SIDT2: variants seen among roughly 807,000 people sequenced by gnomAD.
SIDT2 encodes SID1 transmembrane family, member 2.
SIDT2 carries 68 observed loss-of-function variants against 114.4 expected under a neutral mutation model. The ratio of observed to expected loss-of-function variants is 0.59; its 90% confidence interval spans 0.49 to 0.73. The LOEUF (loss-of-function observed/expected upper bound fraction) is 0.73. Ranked by LOEUF, SIDT2 falls within the 30% of genes least tolerant of loss-of-function variation. SIDT2 has a pLI of 0.00. For synonymous variants in SIDT2, 470 were observed against 438.4 expected, an observed-to-expected ratio of 1.07 and a Z score of -0.90; for missense variants, 918 against 1,097.1, an observed-to-expected ratio of 0.84 and a Z score of 2.31.
rs182132577 is a variant in SIDT2, at chr11:117,180,162, G to A, written c.183+716G>A. Among the ~76,000 whole-genome samples, 575 of 152,284 alleles carry A rather than the reference G, an allele frequency of 3.8e-3. 3 individuals are homozygous for A. The highest frequency in any genetic ancestry group is 7.1e-3 in the Admixed American group (109 of 15,302). The stretch of plus-strand genomic sequence containing the variant: ...TCTTGCAACCTGGCTGTGTGGTCTC[G>A]TGCCCGGGTCTCTTGCTCTCTCTCC... On this transcript the variant is annotated intron_variant, in intron 1 of 25. Transcript: ENST00000324225.
chr11:117,192,476 G>A lies in SIDT2; in HGVS notation c.1982-98G>A. The A allele has an allele frequency of 6.7e-7, 1 of 1,488,194 alleles. No individual in the cohort carries two copies. Among genetic ancestry groups the A allele is most frequent in the Non-Finnish European group, 9.3e-7 (1 of 1,077,876 alleles). 92.2% of individuals were successfully genotyped at this position (1,488,194 alleles called of 1,614,324 possible). A position where few individuals can be genotyped will look rare whatever the true frequency, so the allele number is the denominator to read the frequency against. ...GGGGGCCCTGGAGTCACTGGGTGAGGAATTAGATCAGGCCTGGGCTCCTCA... is the reference window on the plus strand; with the variant it reads ...GGGGGCCCTGGAGTCACTGGGTGAGAAATTAGATCAGGCCTGGGCTCCTCA... On this transcript the variant is annotated intron_variant, in intron 20 of 25. Transcript: ENST00000324225. This position sits in a 1 kb window ranked among gnomAD's most constrained non-coding sequence, Gnocchi z 5.9.
rs200461992 is a variant in SIDT2 at position 117,182,806 on chromosome 11, G to A, written c.702G>A (p.Gln234=). The A allele has an allele frequency of 7.4e-6, 12 of 1,613,290 alleles. No homozygotes were observed. Among genetic ancestry groups the A allele is most frequent in the Non-Finnish European group, 1.0e-5 (12 of 1,179,642 alleles). Residue 234 remains glutamine, a splice_region_variant and synonymous_variant, in exon 6 of 26, where the codon CAG becomes CAA. Transcript: ENST00000324225. ...CCAAGAAGGCGGCCATCACCGTACAGGTAGGAAATGCATGTGGCCACGTGG... is the reference window on the plus strand; with the variant it reads ...CCAAGAAGGCGGCCATCACCGTACAAGTAGGAAATGCATGTGGCCACGTGG... ...TMTKKAAITV[Q]RKDFPSNSFY...
intron 6 of SIDT2, 125 bp downstream of exon 6, chr11:117,182,931 G>A (rs1191467962): frequency 9.4e-7 from 1 of 1,060,702 alleles, no homozygotes; most frequent in East Asian, 2.6e-5. Context: ...TGGCCTTCCA[G>A]TCCCTGTGAC....
chr11:117,191,737 G>T, intron 18 of SIDT2, 141 bp from the exon 19 acceptor site: 2 of 1,191,570 alleles, frequency 1.7e-6, no homozygotes, highest in Non-Finnish European at 2.4e-6. Context: ...TGAAGTTCAA[G>T]TGCCACCCTG....
chr11:117,183,239 G>A (rs2030365097), intron 6 of SIDT2, among the ~76,000 whole-genome samples: 1 of 152,046 alleles, frequency 6.6e-6, no homozygotes, highest in Non-Finnish European at 1.5e-5. Flanking sequence ...CAGCTACTCG[G>A]GAGGCTGAGT....
chr11:117,186,945 C>T (rs1414642934), intron 10 of SIDT2: 1 of 1,483,460 alleles, frequency 6.7e-7, no homozygotes, highest in African/African-American at 1.4e-5. Context: ...TTCCACCCCT[C>T]CCTCTCTTTC....
rs113276103 is a variant in SIDT2 at position 117,193,301 on chromosome 11, A to C, written c.2211+43A>C. The C allele has an allele frequency of 9.2e-4, 1,403 of 1,517,414 alleles. 8 individuals carry two copies. Among genetic ancestry groups the C allele is most frequent in the African/African-American group, 4.3e-3 (316 of 72,810 alleles). 94.0% of individuals were successfully genotyped at this position (1,517,414 alleles called of 1,614,324 possible). A position where few individuals can be genotyped will look rare whatever the true frequency, so the allele number is the denominator to read the frequency against. ...AGCCCCCTCTGTCAGCTGCTCTGCT[A>C]TCTGGGGAGAGAGATGGGCCCGGCA... is the stretch of plus-strand genomic sequence containing the variant. On this transcript the variant is annotated intron_variant, in intron 23 of 25. Transcript: ENST00000324225.
At chr11:117,187,291 TC>T in intron 10 of SIDT2, 86 bp from the exon 11 acceptor site, 1 of 1,328,180 alleles carries the variant, frequency 7.5e-7, no homozygotes, top group Non-Finnish European at 1.1e-6. Context: ...CCTGTGGCTG[TC>T]TTCTCTGGAC....
In SIDT2 at chr11:117,192,873, A is replaced by G. The variant is rs142149627; in HGVS notation, c.2105+7A>G. On this transcript the variant is annotated splice_region_variant and intron_variant, in intron 22 of 25. Transcript: ENST00000324225. This position sits in a 1 kb window ranked among gnomAD's most constrained non-coding sequence, Gnocchi z 5.9. ...ACGTCATCAACTGGTCGCTGTGAGT[A>G]TGGTCAGCAGTAGTGGCCTGGTTGG... 1.0e-3 allele frequency: 1,645 copies of G among 1,614,070 alleles called. 15 individuals carry two copies. The African/African-American group carries it at 0.019, about 19-fold the overall frequency.
rs139246855 is a variant in SIDT2, at chr11:117,187,369, T to A, written c.1016-9T>A. ...TCCAGTGCTAACAGACCTTGACTTC[T>A]CATTGCAGGTCACCCTCGAGTCCTG... is the stretch of plus-strand genomic sequence containing the variant. On this transcript the variant is annotated splice_polypyrimidine_tract_variant and intron_variant, in intron 10 of 25. Transcript: ENST00000324225. 593 of 1,613,702 alleles carry A rather than the reference T, an allele frequency of 3.7e-4. 4 individuals carry two copies. In the African/African-American group the frequency reaches 6.1e-3, roughly 17 times the overall value.
Position 117,183,766 on chromosome 11 carries a change from C to T in SIDT2, c.703-13C>T. The T allele has an allele frequency of 6.3e-7, 1 of 1,578,430 alleles. No individual in the cohort carries two copies. The highest frequency in any genetic ancestry group is 8.7e-7 in the Non-Finnish European group (1 of 1,148,036). On this transcript the variant is annotated splice_polypyrimidine_tract_variant and intron_variant, in intron 6 of 25. Transcript: ENST00000324225. ...TGATGATGAAGAAGATATTTATCATCATCATCCTGCAGCGCAAAGACTTCC... is the reference window on the plus strand; with the variant it reads ...TGATGATGAAGAAGATATTTATCATTATCATCCTGCAGCGCAAAGACTTCC...
rs1268601382 is a variant in SIDT2, at chr11:117,193,859, A to G, written c.2218A>G (p.Ser740Gly). 1.2e-6 allele frequency: 2 copies of G among 1,613,590 alleles called. No homozygotes were observed. The highest frequency in any genetic ancestry group is 1.3e-5 in the African/African-American group (1 of 74,996). ...CCTGCCTGGCCCCTCCCAGCTCCGGAGTGGGGAGAGGATCAAGCTCATCCC... is the reference window on the plus strand; with the variant it reads ...CCTGCCTGGCCCCTCCCAGCTCCGGGGTGGGGAGAGGATCAAGCTCATCCC... ...FAFYIIMKLR[S>G]GERIKLIPLL... is the part of the protein sequence containing the mutation. Residue 740 changes from serine (S) to glycine (G), a missense_variant, in exon 24 of 26, where the codon AGT (serine) becomes GGT (glycine). Transcript: ENST00000324225.
In SIDT2 at chr11:117,188,085, T is replaced by C. The variant is rs1482385923; in HGVS notation, c.1159+386T>C. The C allele has an allele frequency of 4.6e-6, 2 of 438,754 alleles. No individual in the cohort carries two copies. The highest frequency in any genetic ancestry group is 1.2e-4 in the East Asian group (2 of 16,068). The allele number at this position is 438,754 out of a possible 1,614,324, so 27.2% of individuals were successfully genotyped here. On this transcript the variant is annotated intron_variant, in intron 12 of 25. Transcript: ENST00000324225. This position sits in a 1 kb window ranked among gnomAD's most constrained non-coding sequence, Gnocchi z 4.0. ...TGTAATTCCAGTAATTGCCCGCTCT[T>C]GTGTCTTCTGAGATAGCAGCAGAGC...
chr11:117,189,421 TC>T lies in SIDT2; in HGVS notation c.1419+21del. 1 of 1,612,618 alleles carries T rather than the reference TC, an allele frequency of 6.2e-7. No individual in the cohort carries two copies. The highest frequency in any genetic ancestry group is 8.5e-7 in the Non-Finnish European group (1 of 1,179,350). Reference sequence around the variant, plus strand: ...CAGACGGTGAGAGGGCAGGGCAGGTTCACCTTTCCGACAGCCTAGGACACCG... The same window carrying T: ...CAGACGGTGAGAGGGCAGGGCAGGTTACCTTTCCGACAGCCTAGGACACCG... On this transcript the variant is annotated intron_variant, in intron 15 of 25. Transcript: ENST00000324225.
chr11:117,190,423 C>A lies in SIDT2; in HGVS notation c.1617+134C>A. 7.1e-7 allele frequency: 1 copy of A among 1,410,822 alleles called. No homozygotes were observed. The allele number at this position is 1,410,822 out of a possible 1,614,324, so 87.4% of individuals were successfully genotyped here. A position where few individuals can be genotyped will look rare whatever the true frequency, so the allele number is the denominator to read the frequency against. On this transcript the variant is annotated intron_variant, in intron 17 of 25. Coordinates refer to ENST00000324225, the MANE Select transcript of SIDT2 (RefSeq NM_001040455.2). This position sits in a 1 kb window ranked among gnomAD's most constrained non-coding sequence, Gnocchi z 4.1. ...CCCCTCCCCAGTTCTGTCTGGCCCA[C>A]CCTATCCAGCCCAGCCTGCCCCACC...
intron 6 of SIDT2, 22 bp from the exon 7 acceptor site, chr11:117,183,757 A>T (rs755106630): frequency 1.1e-5 from 16 of 1,491,036 alleles, no homozygotes; most frequent in Non-Finnish European, 1.5e-5. Flanking sequence ...TGAAGAAGAT[A>T]TTTATCATCA....
At position 117,190,765 on chromosome 11, in the gene SIDT2, G is replaced by A; in HGVS notation, c.1735+25G>A. Reference sequence around the variant, plus strand: ...GGTGAGTGGGGCGTCCTTCTTTTCTGGCTCAACCTACAGCAGGGACCTGCC... The same window carrying A: ...GGTGAGTGGGGCGTCCTTCTTTTCTAGCTCAACCTACAGCAGGGACCTGCC... On this transcript the variant is annotated intron_variant, in intron 18 of 25. Transcript: ENST00000324225. This position sits in a 1 kb window ranked among gnomAD's most constrained non-coding sequence, Gnocchi z 4.1. The A allele has an allele frequency of 6.3e-7, 1 of 1,578,920 alleles. No individual in the cohort carries two copies. The highest frequency in any genetic ancestry group is 1.1e-5 in the South Asian group (1 of 90,356).
At chr11:117,182,250 A>T (rs999607839) in intron 4 of SIDT2, 145 bp downstream of exon 4, 8 of 958,130 alleles carry the variant, frequency 8.3e-6, no homozygotes, top group Non-Finnish European at 1.3e-5. Context: ...TCTGGCCCTG[A>T]CATGGTGAGG....
intron 1 of SIDT2, 78 bp downstream of exon 1, chr11:117,179,524 C>G: frequency 6.8e-7 from 1 of 1,480,276 alleles, no homozygotes; most frequent in East Asian, 2.3e-5. Flanking sequence ...CCCCGCTACC[C>G]TTTTGGGAGG....
Sources: allele counts gnomAD v4.1 joint callset (sites outside exome capture counted in the v4.1 genomes callset), GRCh38; gene constraint gnomAD v4.1.1; non-coding constraint Gnocchi (gnomAD v3.1); transcripts MANE v1.5; gene names NCBI Gene and HGNC (gene_info 2026-07-23, HGNC 2026-07-21).